DNAAF9: variants seen among roughly 807,000 people sequenced by gnomAD.
DNAAF9 encodes the protein shulin.
DNAAF9 carries 90 observed loss-of-function variants against 167.0 expected under a neutral mutation model. The ratio of observed to expected loss-of-function variants is 0.54; its 90% CI spans 0.45 to 0.64. The LOEUF (loss-of-function observed/expected upper bound fraction) is 0.64. DNAAF9 is among the 30% of genes least tolerant of loss of function. DNAAF9 has a pLI of 0.00. For synonymous variants in DNAAF9, 491 were observed against 508.8 expected (o/e 0.96, Z 0.47); for missense variants, 1,315 against 1,442.2 (o/e 0.91, Z 1.43).
chr20:3,391,526 C>G (rs1328373131), intron 1 of DNAAF9, among the ~76,000 whole-genome samples: 1 of 151,776 alleles, frequency 6.6e-6, no homozygotes, highest in Non-Finnish European at 1.5e-5. Flanking sequence ...TCCTCACCCC[C>G]CAGAGGTCAC....
intron 26 of DNAAF9, among the ~76,000 whole-genome samples, chr20:3,289,149 C>A (rs1442137882): frequency 2.0e-5 from 3 of 152,100 alleles, no homozygotes; most frequent in Non-Finnish European, 2.9e-5. Flanking sequence ...GAGTTTGAGA[C>A]CAGCCTGGAC....
chr20:3,379,860 C>A (rs973919477), intron 3 of DNAAF9, among the ~76,000 whole-genome samples: 5 of 152,092 alleles, frequency 3.3e-5, no homozygotes, highest in African/African-American at 1.2e-4. Flanking sequence ...GAGTTCGAGA[C>A]CAGCCTGGCC....
chr20:3,382,563 C>G (rs2083672090), intron 1 of DNAAF9, 57 bp from the exon 2 acceptor site: 10 of 1,343,896 alleles, frequency 7.4e-6, no homozygotes, highest in African/African-American at 1.4e-5. Context: ...ATGAGAAGAG[C>G]AGCATCCTGT....
chr20:3,312,231 G>A (rs779036603), intron 20 of DNAAF9, among the ~76,000 whole-genome samples: 3 of 151,920 alleles, frequency 2.0e-5, no homozygotes, highest in East Asian at 3.9e-4. Context: ...CAGGTGATTC[G>A]CCCGCCTTGG....
At chr20:3,379,367 T>C (rs2083616328) in intron 3 of DNAAF9, among the ~76,000 whole-genome samples, 1 of 149,658 alleles carries the variant, frequency 6.7e-6, no homozygotes, top group Admixed American at 6.7e-5. Context: ...ATCCCAACAC[T>C]GTGAGGCCAA....
At position 3,381,386 on chromosome 20, in the gene DNAAF9, T is replaced by C. The variant is rs6051818; in HGVS notation, c.276A>G (p.Val92=). 0.22 allele frequency: 358,855 copies of C among 1,602,652 alleles called. 42,133 individuals carry two copies. Among genetic ancestry groups the C allele is most frequent in the African/African-American group, 0.37 (27,790 of 74,584 alleles). Residue 92 remains valine (V), a synonymous_variant, in exon 3 of 37, where the codon GTA becomes GTG. Coordinates refer to ENST00000252032, the MANE Select transcript of DNAAF9 (RefSeq NM_001009984.3). ...DFEKTGFSEE[V]LDDVIILIKS... Reference sequence around the variant, plus strand: ...TTACCAATATATACTTACCATCTAGTACTTCTTCAGAAAATCCCGTTTTCT... The same window carrying C: ...TTACCAATATATACTTACCATCTAGCACTTCTTCAGAAAATCCCGTTTTCT...
chr20:3,314,288 C>T (rs1414061465), intron 20 of DNAAF9, among the ~76,000 whole-genome samples: 2 of 151,782 alleles, frequency 1.3e-5, no homozygotes, highest in Non-Finnish European at 2.9e-5. Flanking sequence ...TAACAAGGGA[C>T]ATGAATTATG....
In DNAAF9 at chr20:3,278,941, A is replaced by T; in HGVS notation, c.2621T>A (p.Phe874Tyr). 1 of 1,600,296 alleles carries T rather than the reference A, an allele frequency of 6.2e-7. No individual in the cohort carries two copies. Among genetic ancestry groups the T allele is most frequent in the Non-Finnish European group, 8.6e-7 (1 of 1,168,040 alleles). ...MSCYMEHRFL[F>Y]PKCLDQCSQG... is the part of the protein sequence containing the mutation. ...TGAACACTGGTCAAGACATTTAGGA[A>T]AGAGAAATCTAGGGGGAAAAAAGGG... The change falls in exon 29 of 37, where the codon TTT becomes TAT. Residue 874 changes from phenylalanine (F) to tyrosine (Y), a missense_variant. Physicochemically the swap from Phe to Tyr is conservative, Grantham distance 22. Around this residue, in one of 2 missense-constraint regions of DNAAF9, gnomAD observed 334 missense variants for 429.7 expected, o/e 0.78. Coordinates refer to ENST00000252032, the MANE Select transcript of DNAAF9 (RefSeq NM_001009984.3).
chr20:3,370,497 C>A (rs112129326), intron 6 of DNAAF9, among the ~76,000 whole-genome samples: 7,235 of 152,040 alleles, frequency 0.048, 265 homozygotes, highest in African/African-American at 0.1. Flanking sequence ...GCAGCCTCCA[C>A]CTCCCAGGTT....
chr20:3,292,738 C>T (rs2068983345), intron 25 of DNAAF9, among the ~76,000 whole-genome samples: 12 of 150,708 alleles, frequency 8.0e-5, no homozygotes, highest in Admixed American at 7.3e-4. Flanking sequence ...TGCACCCTAG[C>T]CTGGGCAACA....
intron 9 of DNAAF9, among the ~76,000 whole-genome samples, chr20:3,342,017 T>G (rs1306349484): frequency 1.3e-5 from 2 of 152,180 alleles, no homozygotes; most frequent in Non-Finnish European, 2.9e-5. Flanking sequence ...GACCTCGTGA[T>G]CCACCCACCT....
chr20:3,370,108 T>C (rs2123209167), intron 6 of DNAAF9, among the ~76,000 whole-genome samples: 1 of 152,338 alleles, frequency 6.6e-6, no homozygotes, highest in South Asian at 2.1e-4. Flanking sequence ...CTGATAACTG[T>C]TATGCAGAGC....
intron 14 of DNAAF9, among the ~76,000 whole-genome samples, chr20:3,323,762 T>C (rs2069661709): frequency 6.6e-6 from 1 of 152,152 alleles, no homozygotes; most frequent in Non-Finnish European, 1.5e-5. Context: ...CTGAGTGGCC[T>C]AGGCAAGGGC....
At chr20:3,338,648 ATT>A (rs140772082) in intron 10 of DNAAF9, among the ~76,000 whole-genome samples, 11 of 121,772 alleles carry the variant, frequency 9.0e-5, no homozygotes, top group East Asian at 4.7e-4. Context: ...TTCTTGGATG[ATT>A]TTTTTTTTTT....
At chr20:3,385,534 T>C (rs1189544214) in intron 1 of DNAAF9, among the ~76,000 whole-genome samples, 1 of 152,066 alleles carries the variant, frequency 6.6e-6, no homozygotes, top group Non-Finnish European at 1.5e-5. Flanking sequence ...CAAGCGATCC[T>C]CCTACCTCAG....
At chr20:3,363,457 C>T (rs6051793) in intron 6 of DNAAF9, among the ~76,000 whole-genome samples, 29,497 of 149,272 alleles carry the variant, frequency 0.2, 3,112 homozygotes, top group African/African-American at 0.25. Context: ...GAGTGAGACT[C>T]CGTCTCAAAA....
At chr20:3,342,962 CAT>C (rs1392124436) in intron 9 of DNAAF9, among the ~76,000 whole-genome samples, 3 of 152,134 alleles carry the variant, frequency 2.0e-5, no homozygotes. Context: ...TCGGACTATG[CAT>C]ATGTCACATG....
intron 3 of DNAAF9, among the ~76,000 whole-genome samples, chr20:3,377,316 G>C (rs1046852684): frequency 1.3e-5 from 2 of 152,220 alleles, no homozygotes; most frequent in Non-Finnish European, 2.9e-5. Flanking sequence ...TCTCTGACAA[G>C]AGACAGCTTT....
rs2069165336 is a variant in DNAAF9, at chr20:3,300,498, G to C, written c.1783-2323C>G. On this transcript the variant is annotated intron_variant, in intron 21 of 36. Transcript: ENST00000252032. Reference sequence around the variant, plus strand: ...GGGTCTCACTCTGTTGCTCAGGCTAGAGCACAGTGTGGCATGATCACAGCT... The same window carrying C: ...GGGTCTCACTCTGTTGCTCAGGCTACAGCACAGTGTGGCATGATCACAGCT... 2.0e-5 allele frequency among the ~76,000 whole-genome samples: 3 copies of C among 151,400 alleles called. No homozygotes were observed. The South Asian group carries it at 6.3e-4, about 32-fold the overall frequency.
Sources: allele counts gnomAD v4.1 joint callset (sites outside exome capture counted in the v4.1 genomes callset), GRCh38; gene constraint gnomAD v4.1.1; regional missense constraint gnomAD v4.1.1; transcripts MANE v1.5; gene names NCBI Gene and HGNC (gene_info 2026-07-23, HGNC 2026-07-21).